The following PPFIBP2 variants were observed in gnomAD, a reference collection of about 807,000 sequenced individuals.
PPFIBP2 encodes liprin-beta-2.
PPFIBP2 carries 118 observed loss-of-function variants against 118.3 expected under a neutral mutation model. The observed-to-expected ratio is 1.00, with a 90% confidence interval of 0.86 to 1.16. The LOEUF is 1.16. PPFIBP2 is among the 50% of genes most tolerant of loss of function. PPFIBP2 has a pLI of 0.00. For synonymous variants in PPFIBP2, 414 were observed against 397.4 expected (o/e 1.04, Z -0.50); for missense variants, 1,195 against 1,073.1 (o/e 1.11, Z -1.59).
chr11:7,596,698 G>A (rs1279102009), intron 4 of PPFIBP2, among the ~76,000 whole-genome samples: 1 of 152,096 alleles, frequency 6.6e-6, no homozygotes, highest in Non-Finnish European at 1.5e-5. Context: ...AGGTCTAAAG[G>A]ATCTCAGTTT....
intron 3 of PPFIBP2, among the ~76,000 whole-genome samples, chr11:7,589,498 C>T (rs1273796597): frequency 6.6e-6 from 1 of 151,894 alleles, no homozygotes; most frequent in Non-Finnish European, 1.5e-5. Flanking sequence ...GAGGCTGAGG[C>T]AGGAGGATCG....
chr11:7,645,042 A>C (rs1382325942), intron 17 of PPFIBP2, among the ~76,000 whole-genome samples: 13 of 136,818 alleles, frequency 9.5e-5, no homozygotes, highest in South Asian at 2.2e-4. Context: ...AAAAAAAAAA[A>C]AAAAAAAAAA....
intron 5 of PPFIBP2, among the ~76,000 whole-genome samples, chr11:7,605,159 G>A (rs1277520952): frequency 6.6e-6 from 1 of 152,200 alleles, no homozygotes; most frequent in Non-Finnish European, 1.5e-5. Context: ...AGAAAAGATG[G>A]CAATGTACAA....
At chr11:7,558,838 T>C (rs1174087418) in intron 2 of PPFIBP2, among the ~76,000 whole-genome samples, 1 of 152,192 alleles carries the variant, frequency 6.6e-6, no homozygotes, top group Non-Finnish European at 1.5e-5. Flanking sequence ...CAAAAATAAT[T>C]ATTAAATCTT....
chr11:7,665,841 C>T, the PPFIBP2 span: 2 of 1,535,354 alleles, frequency 1.3e-6, no homozygotes, highest in Non-Finnish European at 1.7e-6. Flanking sequence ...GTGTGTGAAT[C>T]AGTACAGCCA....
At chr11:7,590,780 C>G (rs1859115346) in intron 3 of PPFIBP2, among the ~76,000 whole-genome samples, 1 of 152,196 alleles carries the variant, frequency 6.6e-6, no homozygotes. Context: ...CCACTAGCCT[C>G]TGAACTATTC....
chr11:7,606,741 T>G (rs908681323), intron 5 of PPFIBP2, among the ~76,000 whole-genome samples: 1 of 152,064 alleles, frequency 6.6e-6, no homozygotes, highest in African/African-American at 2.4e-5. Context: ...GTATGACTAA[T>G]CACAACCTGG....
intron 13 of PPFIBP2, among the ~76,000 whole-genome samples, chr11:7,634,962 T>G (rs1047219408): frequency 3.3e-5 from 5 of 151,984 alleles, no homozygotes; most frequent in African/African-American, 1.2e-4. Context: ...AATGATGAAT[T>G]AATGTGAATA....
chr11:7,567,509 C>T (rs1855137753), intron 3 of PPFIBP2, among the ~76,000 whole-genome samples: 1 of 152,176 alleles, frequency 6.6e-6, no homozygotes, highest in Admixed American at 6.5e-5. Flanking sequence ...GTAATTATGG[C>T]CATCACTAAC....
chr11:7,610,240 G>A (rs1360122489), intron 5 of PPFIBP2, 51 bp from the exon 6 acceptor site: 1 of 1,587,662 alleles, frequency 6.3e-7, no homozygotes, highest in Non-Finnish European at 8.6e-7. Context: ...AGCCAGAGCT[G>A]TTCTTATTGC....
Position 7,514,159 on chromosome 11 carries a change from G to C in PPFIBP2, c.-37+38G>C, listed in dbSNP as rs1169836141. 3 of 152,298 alleles carry C rather than the reference G, an allele frequency of 2.0e-5. No individual in the cohort carries two copies. The East Asian group carries it at 5.8e-4, about 29-fold the overall frequency. The allele number at this position is 152,298 out of a possible 1,614,324, so 9.4% of individuals were successfully genotyped here. A position where few individuals can be genotyped will look rare whatever the true frequency, so the allele number is the denominator to read the frequency against. ...TCCCCACACCCCGGGCTTGCCGCGC[G>C]GTCGGGGTTGGGATCCCCGTCGGGA... On this transcript the variant is annotated intron_variant, in intron 1 of 23. Coordinates refer to ENST00000299492, the MANE Select transcript of PPFIBP2 (RefSeq NM_003621.5).
chr11:7,613,337 T>G (rs909422830), intron 6 of PPFIBP2, among the ~76,000 whole-genome samples: 7 of 152,314 alleles, frequency 4.6e-5, no homozygotes, highest in African/African-American at 1.7e-4. Context: ...AGCCAGCATC[T>G]TGCTGCTTGT....
At chr11:7,520,100 G>T (rs1849608350) in intron 1 of PPFIBP2, among the ~76,000 whole-genome samples, 1 of 152,198 alleles carries the variant, frequency 6.6e-6, no homozygotes, top group South Asian at 2.1e-4. Flanking sequence ...AACCCTGAGA[G>T]CGCTCCAACA....
chr11:7,640,145 CTTCTT>C, intron 15 of PPFIBP2, among the ~76,000 whole-genome samples: 1 of 137,066 alleles, frequency 7.3e-6, no homozygotes, highest in Non-Finnish European at 1.5e-5. Context: ...TATTTCCTCT[CTTCTT>C]CTCTTCCTCC....
intron 1 of PPFIBP2, among the ~76,000 whole-genome samples, 165 bp downstream of exon 1, chr11:7,514,286 G>T (rs1035535062): frequency 6.6e-6 from 1 of 152,232 alleles, no homozygotes; most frequent in Non-Finnish European, 1.5e-5. Flanking sequence ...TCGAGGACGG[G>T]GACCCTTCTC....
In PPFIBP2 at chr11:7,588,823, C is replaced by T. The variant is rs770721772; in HGVS notation, c.280-4309C>T. Among the ~76,000 whole-genome samples, 7 of 152,288 alleles carry T rather than the reference C, an allele frequency of 4.6e-5. No individual in the cohort carries two copies. The East Asian group carries it at 1.2e-3, about 25-fold the overall frequency. On this transcript the variant is annotated intron_variant, in intron 3 of 23. Transcript: ENST00000299492. Reference sequence around the variant, plus strand: ...TGCTGAGTTCTTAAAAATATCCATTCGAGAAGCCCTTGTCTTGATTCAGTT... The same window carrying T: ...TGCTGAGTTCTTAAAAATATCCATTTGAGAAGCCCTTGTCTTGATTCAGTT...
intron 17 of PPFIBP2, among the ~76,000 whole-genome samples, chr11:7,645,939 T>G (rs755465744): frequency 6.6e-6 from 1 of 152,090 alleles, no homozygotes; most frequent in Non-Finnish European, 1.5e-5. Context: ...AAACCAAATA[T>G]AATATAAAAC....
chr11:7,543,235 G>A (rs997781545), intron 1 of PPFIBP2, among the ~76,000 whole-genome samples: 1 of 152,250 alleles, frequency 6.6e-6, no homozygotes, highest in African/African-American at 2.4e-5. Flanking sequence ...CTTAGGGATA[G>A]CAAAAGGTAT....
At chr11:7,529,967 T>C (rs950919314) in intron 1 of PPFIBP2, among the ~76,000 whole-genome samples, 3 of 152,244 alleles carry the variant, frequency 2.0e-5, no homozygotes, top group Admixed American at 6.5e-5. Flanking sequence ...TTTGAGCTGC[T>C]GTATCCCAGG....
Sources: allele counts gnomAD v4.1 joint callset (sites outside exome capture counted in the v4.1 genomes callset), GRCh38; gene constraint gnomAD v4.1.1; transcripts MANE v1.5; gene names NCBI Gene and HGNC (gene_info 2026-07-23, HGNC 2026-07-21).